Variants in CNTN5 observed in about 807,000 individuals in gnomAD.
The protein encoded by CNTN5 is contactin-5.
CNTN5 carries 77 observed loss-of-function variants against 129.1 expected under a neutral mutation model. The ratio of observed to expected loss-of-function variants is 0.60; its 90% CI spans 0.50 to 0.72. CNTN5 has a LOEUF of 0.72. CNTN5 is among the 30% of genes least tolerant of loss of function. The pLI is 0.00. For missense variants in CNTN5, 1,478 were observed against 1,328.8 expected (o/e 1.11, Z -1.75); for synonymous variants, 509 against 465.6 (o/e 1.09, Z -1.20).
chr11:100,176,895 C>G (rs1224605852), intron 13 of CNTN5, among the ~76,000 whole-genome samples: 2 of 150,488 alleles, frequency 1.3e-5, no homozygotes, highest in Non-Finnish European at 3.0e-5. Context: ...GCATATGTAA[C>G]CTCTCAATAA....
intron 3 of CNTN5, among the ~76,000 whole-genome samples, chr11:99,762,097 C>A (rs1944601663): frequency 1.1e-5 from 1 of 90,218 alleles, no homozygotes; most frequent in Non-Finnish European, 2.4e-5. Flanking sequence ...CCTTCACCCA[C>A]TTTTTGATGG....
intron 1 of CNTN5, among the ~76,000 whole-genome samples, chr11:99,305,866 A>G (rs1170822636): frequency 6.6e-6 from 1 of 152,024 alleles, no homozygotes. Context: ...CTGTAGTCCC[A>G]GCTACTCGGG....
intron 3 of CNTN5, among the ~76,000 whole-genome samples, chr11:99,610,094 C>T (rs540998502): frequency 1.3e-5 from 2 of 152,228 alleles, no homozygotes; most frequent in African/African-American, 4.8e-5. Flanking sequence ...TATGGTAGAG[C>T]TTTGTCAGTC....
rs75373899 is a variant in CNTN5 at position 99,104,496 on chromosome 11, G to A, written c.-210+83226G>A. ...AGATGTATTGCACAGTATGATGGCC[G>A]TAGTTAATAATTTATTGTATATTTC... On this transcript the variant is annotated intron_variant, in intron 1 of 24. Coordinates refer to ENST00000524871, the MANE Select transcript of CNTN5 (RefSeq NM_014361.4). 5.6e-3 allele frequency among the ~76,000 whole-genome samples: 851 copies of A among 152,100 alleles called. 9 individuals carry two copies. Among genetic ancestry groups the A allele is most frequent in the African/African-American group, 0.02 (810 of 41,494 alleles).
intron 1 of CNTN5, among the ~76,000 whole-genome samples, chr11:99,180,670 T>C (rs1417329280): frequency 6.6e-6 from 1 of 152,166 alleles, no homozygotes; most frequent in Admixed American, 6.5e-5. Flanking sequence ...ATTTAATATT[T>C]AACTTTCCCT....
At chr11:100,166,529 A>G (rs1215081832) in intron 13 of CNTN5, among the ~76,000 whole-genome samples, 2 of 151,764 alleles carry the variant, frequency 1.3e-5, no homozygotes, top group Non-Finnish European at 2.9e-5. Context: ...AATGTATTCT[A>G]TTACTCCTTA....
At chr11:99,532,631 C>T (rs779613485) in intron 2 of CNTN5, among the ~76,000 whole-genome samples, 1 of 152,098 alleles carries the variant, frequency 6.6e-6, no homozygotes, top group Non-Finnish European at 1.5e-5. Context: ...CCAGTCTTTC[C>T]CATGTTATTC....
intron 3 of CNTN5, among the ~76,000 whole-genome samples, chr11:99,787,129 A>G (rs936748790): frequency 6.7e-6 from 1 of 150,194 alleles, no homozygotes; most frequent in Admixed American, 6.6e-5. Flanking sequence ...TATTATTATT[A>G]TTATACTTTA....
At position 99,636,488 on chromosome 11, in the gene CNTN5, A is replaced by G. The variant is rs185725401; in HGVS notation, c.55+80219A>G. Among the ~76,000 whole-genome samples the G allele has an allele frequency of 6.3e-4, 95 of 151,732 alleles. 1 individual carries two copies. Among genetic ancestry groups the G allele is most frequent in the Middle Eastern group, 3.4e-3 (1 of 294 alleles). ...CTAGGAGGCTGGGTCTTTGTCCTGT[A>G]CCAATGACCTTTCTTTTCCTTTTCC... On this transcript the variant is annotated intron_variant, in intron 3 of 24. Coordinates refer to ENST00000524871, the MANE Select transcript of CNTN5 (RefSeq NM_014361.4).
At chr11:99,207,060 G>A (rs1859522631) in intron 1 of CNTN5, among the ~76,000 whole-genome samples, 1 of 152,070 alleles carries the variant, frequency 6.6e-6, no homozygotes, top group Admixed American at 6.6e-5. Context: ...GTCACAAGCA[G>A]TATTATTACA....
chr11:100,011,885 A>G (rs1398633497), intron 9 of CNTN5, among the ~76,000 whole-genome samples: 1 of 152,134 alleles, frequency 6.6e-6, no homozygotes, highest in African/African-American at 2.4e-5. Flanking sequence ...AGAATGACAA[A>G]TATTCCTCTG....
chr11:99,498,542 A>G (rs958399382), intron 2 of CNTN5, among the ~76,000 whole-genome samples: 2 of 152,062 alleles, frequency 1.3e-5, no homozygotes, highest in Non-Finnish European at 2.9e-5. Flanking sequence ...CTTTTTCCCA[A>G]ACTTTCCTTT....
intron 8 of CNTN5, among the ~76,000 whole-genome samples, chr11:99,963,275 G>A (rs1290338471): frequency 6.6e-6 from 1 of 152,080 alleles, no homozygotes; most frequent in Non-Finnish European, 1.5e-5. Context: ...TTTCTTCTAG[G>A]GTTTTTATGG....
chr11:99,032,483 A>C (rs902895161), intron 1 of CNTN5, among the ~76,000 whole-genome samples: 1 of 150,140 alleles, frequency 6.7e-6, no homozygotes, highest in Admixed American at 6.6e-5. Flanking sequence ...ATGGTATCTC[A>C]TTGTGGTTTT....
At chr11:100,078,798 G>A (rs187876134) in intron 13 of CNTN5, among the ~76,000 whole-genome samples, 30 of 152,046 alleles carry the variant, frequency 2.0e-4, no homozygotes, top group Admixed American at 3.9e-4. Context: ...TACTGATGAC[G>A]ATGATGATGG....
intron 3 of CNTN5, among the ~76,000 whole-genome samples, chr11:99,674,838 A>G (rs919714186): frequency 3.3e-5 from 5 of 151,852 alleles, no homozygotes; most frequent in Non-Finnish European, 5.9e-5. Context: ...TCTGAAACCA[A>G]TGAATTCTGT....
At chr11:99,374,096 G>A (rs1940004897) in intron 2 of CNTN5, among the ~76,000 whole-genome samples, 1 of 152,170 alleles carries the variant, frequency 6.6e-6, no homozygotes. Flanking sequence ...AATCAGATCA[G>A]AAGGTCATTT....
At chr11:99,356,212 G>T (rs1356071616) in intron 2 of CNTN5, among the ~76,000 whole-genome samples, 2 of 151,876 alleles carry the variant, frequency 1.3e-5, no homozygotes, top group East Asian at 1.9e-4. Flanking sequence ...AAGTTTTAGT[G>T]TGGCTTGTGG....
intron 3 of CNTN5, among the ~76,000 whole-genome samples, chr11:99,576,531 G>A (rs1007546688): frequency 6.6e-6 from 1 of 152,182 alleles, no homozygotes; most frequent in African/African-American, 2.4e-5. Context: ...GTCCAGGACA[G>A]ACACTGTAGA....
Sources: allele counts gnomAD v4.1 joint callset (sites outside exome capture counted in the v4.1 genomes callset), GRCh38; gene constraint gnomAD v4.1.1; transcripts MANE v1.5; gene names NCBI Gene and HGNC (gene_info 2026-07-23, HGNC 2026-07-21).